SEC31B: variants seen among roughly 807,000 people sequenced by gnomAD.
SEC31B encodes SEC31 homolog B, COPII component.
Under a neutral mutation model 135.0 loss-of-function variants are expected in SEC31B, and 113 were observed. The observed-to-expected ratio is 0.84, with a 90% CI of 0.72 to 0.98. The LOEUF (loss-of-function observed/expected upper bound fraction) is 0.98. Ranked by LOEUF, SEC31B falls within the 50% of genes least tolerant of loss-of-function variation. The probability of loss-of-function intolerance (pLI) is 0.00; values close to 1 mark genes in which losing one functional copy is unlikely to be tolerated. For missense variants in SEC31B, 1,296 were observed against 1,421.1 expected (o/e 0.91, Z 1.42); for synonymous variants, 508 against 549.4 (o/e 0.92, Z 1.05).
chr10:100,502,768 C>T (rs1851547814), intron 10 of SEC31B, among the ~76,000 whole-genome samples: 2 of 152,126 alleles, frequency 1.3e-5, no homozygotes, highest in Admixed American at 6.6e-5. Context: ...GTCACCTGGG[C>T]TAAATACCTC....
chr10:100,506,453 G>C (rs1409251407), intron 7 of SEC31B, 33 bp from the exon 8 acceptor site: 14 of 1,596,106 alleles, frequency 8.8e-6, no homozygotes, highest in Non-Finnish European at 1.2e-5. Flanking sequence ...ACTAGCATTT[G>C]TTGAATGCCT....
At chr10:100,487,957 C>T in intron 25 of SEC31B, 70 bp downstream of exon 25, 1 of 1,559,478 alleles carries the variant, frequency 6.4e-7, no homozygotes, top group Non-Finnish European at 8.8e-7. Flanking sequence ...AGAAAAGACA[C>T]TGGGCTTCCT....
At chr10:100,488,757 G>T in intron 24 of SEC31B, 101 bp downstream of exon 24, 1 of 1,398,810 alleles carries the variant, frequency 7.1e-7, no homozygotes, top group South Asian at 1.5e-5. Context: ...ATGTCCAGGG[G>T]CAGTGAGAAG....
intron 10 of SEC31B, among the ~76,000 whole-genome samples, chr10:100,503,741 C>CTA (rs1851572306): frequency 6.9e-6 from 1 of 145,344 alleles, no homozygotes; most frequent in Non-Finnish European, 1.5e-5. Context: ...TGGCCGACAA[C>CTA]TTTTTTTTTT....
Position 100,487,965 on chromosome 10 carries a change from C to T in SEC31B, c.3360+62G>A. Reference sequence around the variant, plus strand: ...TATGGGAAGAAAAGACACTGGGCTTCCTTTGGCCATGGTGATGGTGGAAGT... The same window carrying T: ...TATGGGAAGAAAAGACACTGGGCTTTCTTTGGCCATGGTGATGGTGGAAGT... On this transcript the variant is annotated intron_variant, in intron 25 of 25. Transcript: ENST00000370345. 14 of 1,572,474 alleles carry T rather than the reference C, an allele frequency of 8.9e-6. 1 individual carries two copies. The Middle Eastern group carries it at 1.0e-3, about 113-fold the overall frequency.
rs566743179 is a variant in SEC31B, at chr10:100,495,619, C to T, written c.2311-73G>A. ...AAGGCCCCAGGTAGCAGTCAAATTT[C>T]AGCTGACCCTCTACACCAAGCTTGT... On this transcript the variant is annotated intron_variant, in intron 18 of 25. Transcript: ENST00000370345. The T allele has an allele frequency of 6.2e-5, 88 of 1,422,432 alleles. No individual in the cohort carries two copies. In the African/African-American group the frequency reaches 9.7e-4, roughly 16 times the overall value. The allele number at this position is 1,422,432 out of a possible 1,614,324, so 88.1% of individuals were successfully genotyped here.
chr10:100,510,349 T>C (rs1157358854), intron 3 of SEC31B, among the ~76,000 whole-genome samples: 1 of 152,244 alleles, frequency 6.6e-6, no homozygotes, highest in African/African-American at 2.4e-5. Context: ...GACAGAGGCA[T>C]GAAAGGATAC....
chr10:100,489,615 A>G, intron 22 of SEC31B, 88 bp downstream of exon 22: 1 of 1,581,464 alleles, frequency 6.3e-7, no homozygotes, highest in Non-Finnish European at 8.7e-7. Context: ...CAGTCTGAGA[A>G]GGGGAAGGAC....
intron 7 of SEC31B, 51 bp from the exon 8 acceptor site, chr10:100,506,471 G>A: frequency 3.9e-6 from 6 of 1,538,342 alleles, no homozygotes; most frequent in Non-Finnish European, 5.4e-6. Flanking sequence ...CCTACTATGA[G>A]TAGGGTGCCT....
rs1212167599 is a variant in SEC31B at position 100,490,826 on chromosome 10, G to T, written c.2530C>A (p.Pro844Thr). ...VFTPQSSPAM[P>T]LAPSHPSPYQ... ...GGGCTAGGATGGGAAGGTGCCAAGG[G>T]CATCGCTGGTGATGACTGAGGGGTG... The change falls in exon 20 of 26, where the codon CCC (proline) becomes ACC (threonine). Residue 844 changes from proline (P) to threonine (T), a missense_variant. Physicochemically the swap from Pro to Thr is conservative, Grantham distance 38 (BLOSUM62 -1). Coordinates refer to ENST00000370345, the MANE Select transcript of SEC31B (RefSeq NM_015490.4). The T allele has an allele frequency of 2.5e-6, 4 of 1,599,878 alleles. No individual in the cohort carries two copies. The highest frequency in any genetic ancestry group is 3.4e-6 in the Non-Finnish European group (4 of 1,171,210).
Position 100,490,284 on chromosome 10 carries a change from G to T in SEC31B, c.2689C>A (p.Gln897Lys). The T allele has an allele frequency of 6.2e-7, 1 of 1,613,882 alleles. No individual in the cohort carries two copies. Among genetic ancestry groups the T allele is most frequent in the South Asian group, 1.1e-5 (1 of 91,044 alleles). Reference sequence around the variant, plus strand: ...GGGAATCCCACCGGGTTAGGAACTTGCACCCTTTGCCCTCCTAATAGCTGT... The same window carrying T: ...GGGAATCCCACCGGGTTAGGAACTTTCACCCTTTGCCCTCCTAATAGCTGT... ...QPQLLGGQRV[Q>K]VPNPVGFPGT... The change falls in exon 21 of 26, where the codon CAA becomes AAA. Residue 897 changes from glutamine (Q) to lysine (K), a missense_variant. By Grantham distance (53) the Gln-to-Lys change is moderately conservative. Transcript: ENST00000370345.
At chr10:100,509,580 C>G in intron 3 of SEC31B, 69 bp from the exon 4 acceptor site, 1 of 1,275,484 alleles carries the variant, frequency 7.8e-7, no homozygotes, top group Non-Finnish European at 1.1e-6. Flanking sequence ...ATGGGCATCT[C>G]TGTCAGCTTC....
Position 100,490,749 on chromosome 10 carries a change from G to A in SEC31B, c.2607C>T (p.Pro869=), listed in dbSNP as rs780681060. Residue 869 remains proline (P), a synonymous_variant, in exon 20 of 26, where the codon CCC becomes CCT. Coordinates refer to ENST00000370345, the MANE Select transcript of SEC31B (RefSeq NM_015490.4). ...QNISDYRAPG[P]QAIQPLPLSP... ...TCAAAGGCAAAGGCTGGATGGCCTGGGGCCCAGGTGCCCTGTAGTCACTTA... is the reference window on the plus strand; with the variant it reads ...TCAAAGGCAAAGGCTGGATGGCCTGAGGCCCAGGTGCCCTGTAGTCACTTA... 6.2e-7 allele frequency: 1 copy of A among 1,605,212 alleles called. No homozygotes were observed. The highest frequency in any genetic ancestry group is 1.1e-5 in the South Asian group (1 of 89,662).
chr10:100,495,480 A>ACTGTT lies in SEC31B; in HGVS notation c.2372_2376dup (p.Ser793AsnfsTer71). Reference sequence around the variant, plus strand: ...ATCCGGGGGAAGGGGAAAGGGGGAGACTGTTGGCCCAAGACAGCAGAACCT... The same window carrying ACTGTT: ...ATCCGGGGGAAGGGGAAAGGGGGAGACTGTTCTGTTGGCCCAAGACAGCAGAACCT... On this transcript the variant is annotated frameshift_variant, in exon 19 of 26. Coordinates refer to ENST00000370345, the MANE Select transcript of SEC31B (RefSeq NM_015490.4). LOFTEE classifies it high-confidence loss of function. The ACTGTT allele has an allele frequency of 6.2e-7, 1 of 1,613,832 alleles. No individual in the cohort carries two copies. The highest frequency in any genetic ancestry group is 8.5e-7 in the Non-Finnish European group (1 of 1,179,868).
At chr10:100,502,145 C>G in intron 11 of SEC31B, 109 bp downstream of exon 11, 1 of 808,328 alleles carries the variant, frequency 1.2e-6, no homozygotes, top group Non-Finnish European at 2.0e-6. Flanking sequence ...GAGTTAAGGC[C>G]TCTGTGATCT....
rs1851287493 is a variant in SEC31B at position 100,490,795 on chromosome 10, T to C, written c.2561A>G (p.Gln854Arg). The C allele has an allele frequency of 1.2e-6, 2 of 1,611,268 alleles. No homozygotes were observed. Among genetic ancestry groups the C allele is most frequent in the East Asian group, 2.2e-5 (1 of 44,814 alleles). ...PLAPSHPSPY[Q>R]GPRTQNISDY... is the part of the protein sequence containing the mutation. ...ACTTATATTCTGTGTCCTGGGACCC[T>C]GATAAGGGCTAGGATGGGAAGGTGC... The change falls in exon 20 of 26, where the codon CAG becomes CGG. Residue 854 changes from glutamine (Q) to arginine (R), a missense_variant. By Grantham distance (43) the Gln-to-Arg change is conservative. Transcript: ENST00000370345.
intron 3 of SEC31B, among the ~76,000 whole-genome samples, chr10:100,513,806 AACAAATATTTATTAAAT>A (rs887000446): frequency 6.6e-6 from 1 of 152,100 alleles, no homozygotes; most frequent in Non-Finnish European, 1.5e-5. Flanking sequence ...TCATTCATAT[AACAAATATTTATTAAAT>A]ACAAATATTT....
intron 2 of SEC31B, 96 bp from the exon 3 acceptor site, chr10:100,516,315 G>T (rs978065914): frequency 1.4e-6 from 2 of 1,396,408 alleles, no homozygotes; most frequent in Admixed American, 4.4e-5. Flanking sequence ...AACAGAAGAG[G>T]GCTGGGTATA....
intron 5 of SEC31B, chr10:100,508,327 T>C (rs1851671568): frequency 1.8e-6 from 1 of 548,988 alleles, no homozygotes; most frequent in Non-Finnish European, 3.3e-6. Context: ...AAAACAGCCC[T>C]CTTGTCTAGG....
Sources: allele counts gnomAD v4.1 joint callset (sites outside exome capture counted in the v4.1 genomes callset), GRCh38; gene constraint gnomAD v4.1.1; transcripts MANE v1.5; gene names NCBI Gene and HGNC (gene_info 2026-07-23, HGNC 2026-07-21).